CENPK: variants seen among roughly 807,000 people sequenced by gnomAD.
CENPK encodes SoxLZ/Sox6-binding protein Solt.
CENPK carries 46 observed loss-of-function variants against 40.9 expected under a neutral mutation model. The ratio of observed to expected loss-of-function variants is 1.13; its 90% CI spans 0.89 to 1.44. The LOEUF is 1.44. Among genes scored for constraint, CENPK ranks in the 40% most tolerant of loss-of-function variants. CENPK has a pLI of 0.00. For synonymous variants in CENPK, 107 were observed against 104.4 expected, an observed-to-expected ratio of 1.02 and a Z score of -0.15; for missense variants, 288 against 303.5, an observed-to-expected ratio of 0.95 and a Z score of 0.38.
In CENPK at chr5:65,528,445, A is replaced by T; in HGVS notation, c.597+7T>A. 1 of 1,581,982 alleles carries T rather than the reference A, an allele frequency of 6.3e-7. No individual in the cohort carries two copies. The highest frequency in any genetic ancestry group is 8.5e-7 in the Non-Finnish European group (1 of 1,171,530). On this transcript the variant is annotated splice_region_variant and intron_variant, in intron 9 of 10. Coordinates refer to ENST00000396679, the MANE Select transcript of CENPK (RefSeq NM_022145.5). Reference sequence around the variant, plus strand: ...TAATTTACATAAATGTCTTCTCTAAAACTTACCTTTTTCTTTTTAACACTT... The same window carrying T: ...TAATTTACATAAATGTCTTCTCTAATACTTACCTTTTTCTTTTTAACACTT...
chr5:65,555,813 T>C (rs1271982678), intron 2 of CENPK, among the ~76,000 whole-genome samples: 1 of 152,144 alleles, frequency 6.6e-6, no homozygotes, highest in Admixed American at 6.5e-5. Flanking sequence ...TTGGCAAACA[T>C]GGGAGAAGTG....
intron 5 of CENPK, among the ~76,000 whole-genome samples, chr5:65,549,531 A>G (rs1266584651): frequency 2.0e-5 from 3 of 152,200 alleles, no homozygotes; most frequent in Non-Finnish European, 4.4e-5. Flanking sequence ...TTCTGTCTAC[A>G]TTGAAAATTT....
At position 65,521,250 on chromosome 5, in the gene CENPK, A is replaced by G. The variant is rs576574909; in HGVS notation, c.651+225T>C. Among the ~76,000 whole-genome samples, 134 of 152,254 alleles carry G rather than the reference A, an allele frequency of 8.8e-4. 2 individuals are homozygous for G. The highest frequency in any genetic ancestry group is 3.3e-3 in the Admixed American group (50 of 15,286). On this transcript the variant is annotated intron_variant, in intron 10 of 10. Transcript: ENST00000396679. ...TCTTGGGAACATGATTAAGAGATAG[A>G]CCTTAAATTCACATTATTTTAAAAA... is the stretch of plus-strand genomic sequence containing the variant.
downstream of CENPK, among the ~76,000 whole-genome samples, chr5:65,516,035 T>G (rs1214164918): frequency 6.6e-6 from 1 of 152,208 alleles, no homozygotes; most frequent in Non-Finnish European, 1.5e-5. Flanking sequence ...TGTCCCTTCT[T>G]ATAAGGGCAC....
rs1444839102 is a variant in CENPK, at chr5:65,519,024, C to A, written c.652-391G>T. Reference sequence around the variant, plus strand: ...AATATTTGAAGGAAAAATAACTGGTCCTGTCCCCCACAAAACACCTATTCT... The same window carrying A: ...AATATTTGAAGGAAAAATAACTGGTACTGTCCCCCACAAAACACCTATTCT... On this transcript the variant is annotated intron_variant, in intron 10 of 10. Coordinates refer to ENST00000396679, the MANE Select transcript of CENPK (RefSeq NM_022145.5). Among the ~76,000 whole-genome samples the A allele has an allele frequency of 3.3e-5, 5 of 152,208 alleles. No homozygotes were observed. In the East Asian group the frequency reaches 9.6e-4, roughly 29 times the overall value.
chr5:65,515,353 C>T (rs1742788975), downstream of CENPK, among the ~76,000 whole-genome samples: 1 of 151,918 alleles, frequency 6.6e-6, no homozygotes, highest in Non-Finnish European at 1.5e-5. Context: ...CAGGTGCCTG[C>T]CATCACGCCC....
At chr5:65,505,564 T>C in the CENPK span, among the ~76,000 whole-genome samples, 1 of 152,170 alleles carries the variant, frequency 6.6e-6, no homozygotes, top group Admixed American at 6.6e-5. Context: ...TCACTTGAGC[T>C]CAAGAGGTTG....
At position 65,528,437 on chromosome 5, in the gene CENPK, T is replaced by C. The variant is rs111554721; in HGVS notation, c.597+15A>G. Reference sequence around the variant, plus strand: ...AAATATGATAATTTACATAAATGTCTTCTCTAAAACTTACCTTTTTCTTTT... The same window carrying C: ...AAATATGATAATTTACATAAATGTCCTCTCTAAAACTTACCTTTTTCTTTT... On this transcript the variant is annotated intron_variant, in intron 9 of 10. Coordinates refer to ENST00000396679, the MANE Select transcript of CENPK (RefSeq NM_022145.5). 6.4e-7 allele frequency: 1 copy of C among 1,573,126 alleles called. No homozygotes were observed.
At chr5:65,550,773 A>G (rs1465831641) in intron 5 of CENPK, 1 of 152,364 alleles carries the variant, frequency 6.6e-6, no homozygotes, top group Non-Finnish European at 1.5e-5. Context: ...ATTTAAAAAA[A>G]AAAGATGTAC....
At chr5:65,538,257 T>G (rs1747322179) in intron 6 of CENPK, among the ~76,000 whole-genome samples, 1 of 152,224 alleles carries the variant, frequency 6.6e-6, no homozygotes, top group African/African-American at 2.4e-5. Context: ...TCAGTTGTTT[T>G]GAACTTCTGT....
chr5:65,518,361 AAGATGGC>A lies in CENPK; in HGVS notation c.*107_*113del, dbSNP rs3050538. Reference sequence around the variant, plus strand: ...GCACATGCCATTTTGCAATAAAAGTAAGATGGCCTATGCGCATTAATTTGCAAATAAT... The same window carrying A: ...GCACATGCCATTTTGCAATAAAAGTACTATGCGCATTAATTTGCAAATAAT... On this transcript the variant is annotated 3_prime_UTR_variant, in exon 11 of 11. Coordinates refer to ENST00000396679, the MANE Select transcript of CENPK (RefSeq NM_022145.5). 0.26 allele frequency: 267,942 copies of A among 1,044,324 alleles called. 34,276 individuals carry two copies. Among genetic ancestry groups the A allele is most frequent in the South Asian group, 0.35 (23,876 of 67,704 alleles). The allele number at this position is 1,044,324 out of a possible 1,614,324, so 64.7% of individuals were successfully genotyped here.
At chr5:65,532,626 A>G (rs1189405714) in intron 6 of CENPK, among the ~76,000 whole-genome samples, 1 of 152,070 alleles carries the variant, frequency 6.6e-6, no homozygotes, top group Non-Finnish European at 1.5e-5. Flanking sequence ...TTTTTAGTAG[A>G]GATGGGACGG....
the CENPK span, among the ~76,000 whole-genome samples, chr5:65,511,685 A>G: frequency 6.6e-6 from 1 of 152,192 alleles, no homozygotes; most frequent in Admixed American, 6.5e-5. Flanking sequence ...GCAGCATTAG[A>G]TTCTTACAGG....
the CENPK span, among the ~76,000 whole-genome samples, chr5:65,502,715 A>G: frequency 6.6e-6 from 1 of 151,988 alleles, no homozygotes; most frequent in Non-Finnish European, 1.5e-5. Flanking sequence ...GGCTCTAACA[A>G]TCCTCCCACA....
In CENPK at chr5:65,554,958, A is replaced by C. The variant is rs765694468; in HGVS notation, c.-39-12T>G. 2.8e-5 allele frequency: 30 copies of C among 1,054,346 alleles called. No homozygotes were observed. The highest frequency in any genetic ancestry group is 4.4e-5 in the Non-Finnish European group (30 of 677,212). 65.3% of individuals were successfully genotyped at this position (1,054,346 alleles called of 1,614,324 possible). On this transcript the variant is annotated splice_polypyrimidine_tract_variant and intron_variant, in intron 2 of 10. Coordinates refer to ENST00000396679, the MANE Select transcript of CENPK (RefSeq NM_022145.5). The stretch of plus-strand genomic sequence containing the variant: ...CCTTATAAGAAAAACTAAAGCAAAA[A>C]ATATTTATTCATTCAGCAGTATTGG...
the CENPK span, among the ~76,000 whole-genome samples, chr5:65,497,926 TA>T: frequency 6.6e-6 from 1 of 152,122 alleles, no homozygotes; most frequent in Admixed American, 6.5e-5. Context: ...AAAGTCTATT[TA>T]AGTTAGAATA....
intron 3 of CENPK, among the ~76,000 whole-genome samples, chr5:65,554,461 A>G (rs943284181): frequency 6.6e-6 from 1 of 152,138 alleles, no homozygotes; most frequent in African/African-American, 2.4e-5. Context: ...TCAGAAAGCT[A>G]TCCTTGACCC....
chr5:65,543,026 G>A (rs1392191501), intron 5 of CENPK, among the ~76,000 whole-genome samples, 178 bp from the exon 6 acceptor site: 4 of 152,004 alleles, frequency 2.6e-5, no homozygotes, highest in East Asian at 3.9e-4. Flanking sequence ...GTGCAATGGC[G>A]CTATTTGGCT....
At chr5:65,498,499 A>G in the CENPK span, among the ~76,000 whole-genome samples, 1 of 152,090 alleles carries the variant, frequency 6.6e-6, no homozygotes, top group Non-Finnish European at 1.5e-5. Context: ...ATCACTGAGA[A>G]TCAAATCATA....
Sources: allele counts gnomAD v4.1 joint callset (sites outside exome capture counted in the v4.1 genomes callset), GRCh38; gene constraint gnomAD v4.1.1; transcripts MANE v1.5; gene names NCBI Gene and HGNC (gene_info 2026-07-23, HGNC 2026-07-21).